Variants in TMEM117 observed in about 807,000 individuals in gnomAD.
TMEM117 encodes transmembrane protein 117.
A neutral mutation model predicts 52.4 loss-of-function variants in TMEM117; 27 were observed. The observed-to-expected ratio is 0.51, with a 90% CI of 0.38 to 0.71. The LOEUF is 0.71. Ranked by LOEUF, TMEM117 falls within the 30% of genes least tolerant of loss-of-function variation. The pLI is 0.00. For missense variants in TMEM117, 556 were observed against 630.5 expected (o/e 0.88, Z 1.26); for synonymous variants, 215 against 206.3 (o/e 1.04, Z -0.36).
At chr12:43,902,145 C>A (rs1944314214) in intron 2 of TMEM117, among the ~76,000 whole-genome samples, 1 of 152,168 alleles carries the variant, frequency 6.6e-6, no homozygotes, top group Non-Finnish European at 1.5e-5. Context: ...ACGGTGTTAA[C>A]TGGAACAGAA....
intron 4 of TMEM117, among the ~76,000 whole-genome samples, chr12:44,189,940 G>A (rs539733707): frequency 1.3e-5 from 2 of 152,310 alleles, no homozygotes; most frequent in South Asian, 2.1e-4. Context: ...CAGTAACCAA[G>A]CATGATTTTT....
intron 3 of TMEM117, among the ~76,000 whole-genome samples, chr12:44,070,186 T>A (rs1332268862): frequency 6.6e-6 from 1 of 152,188 alleles, no homozygotes; most frequent in East Asian, 1.9e-4. Flanking sequence ...CCACCGCACC[T>A]GGTCCCCAGA....
chr12:44,345,210 G>A (rs1022876556), intron 6 of TMEM117, among the ~76,000 whole-genome samples: 2 of 152,070 alleles, frequency 1.3e-5, no homozygotes, highest in African/African-American at 4.8e-5. Flanking sequence ...CTGTCAGAAG[G>A]ACTGTTGTCC....
At chr12:43,935,346 A>T (rs909512790) in intron 2 of TMEM117, among the ~76,000 whole-genome samples, 5 of 152,230 alleles carry the variant, frequency 3.3e-5, no homozygotes, top group African/African-American at 1.2e-4. Flanking sequence ...AGTGAATTTC[A>T]ATTAATTTTC....
At chr12:44,001,802 G>A (rs1946120940) in intron 3 of TMEM117, among the ~76,000 whole-genome samples, 1 of 152,094 alleles carries the variant, frequency 6.6e-6, no homozygotes, top group Admixed American at 6.5e-5. Context: ...AGCTTTACGA[G>A]TGGAAGAGTG....
intron 3 of TMEM117, among the ~76,000 whole-genome samples, chr12:44,136,761 C>T (rs1948497158): frequency 1.3e-5 from 2 of 151,952 alleles, no homozygotes; most frequent in Admixed American, 6.6e-5. Context: ...AAATTTACAG[C>T]ATGTGTTGCA....
rs530669207 is a variant in TMEM117 at position 44,302,907 on chromosome 12, A to G, written c.768+3168A>G. On this transcript the variant is annotated intron_variant, in intron 6 of 7. Transcript: ENST00000266534. ...TTCATCCCATATTTACATATTCCAGATGAAAGAAAAATAAAGAAGTAAAAT... is the reference window on the plus strand; with the variant it reads ...TTCATCCCATATTTACATATTCCAGGTGAAAGAAAAATAAAGAAGTAAAAT... Among the ~76,000 whole-genome samples the G allele has an allele frequency of 6.6e-5, 10 of 152,370 alleles. No individual in the cohort carries two copies. The East Asian group carries it at 1.7e-3, about 26-fold the overall frequency.
intron 3 of TMEM117, among the ~76,000 whole-genome samples, chr12:44,046,473 G>C (rs1003616396): frequency 4.6e-5 from 7 of 152,182 alleles, no homozygotes; most frequent in African/African-American, 1.7e-4. Flanking sequence ...CATGCCCTGT[G>C]ATTAAGGTCA....
At chr12:44,102,927 G>T (rs1321089726) in intron 3 of TMEM117, among the ~76,000 whole-genome samples, 7 of 151,884 alleles carry the variant, frequency 4.6e-5, no homozygotes, top group Non-Finnish European at 5.9e-5. Flanking sequence ...TCCCTCCTTT[G>T]CTCTGCACTT....
upstream of TMEM117, among the ~76,000 whole-genome samples, chr12:43,835,777 C>CCGGCCCGGGCAGGCT (rs1943014792): frequency 1.3e-5 from 2 of 152,030 alleles, no homozygotes; most frequent in African/African-American, 4.8e-5. Flanking sequence ...CAGAGGCGGG[C>CCGGCCCGGGCAGGCT]CGGCCCGGGC....
intron 4 of TMEM117, among the ~76,000 whole-genome samples, chr12:44,179,561 G>C (rs756804311): frequency 3.3e-5 from 5 of 152,252 alleles, no homozygotes; most frequent in Non-Finnish European, 7.3e-5. Flanking sequence ...TCAGCAGCAA[G>C]CTGCTTATCT....
intron 4 of TMEM117, among the ~76,000 whole-genome samples, chr12:44,171,637 T>C (rs77875618): frequency 0.018 from 2,668 of 152,272 alleles, 60 homozygotes; most frequent in East Asian, 0.057. Flanking sequence ...GTATTTAATA[T>C]CATAGTAAAA....
chr12:44,071,688 G>C (rs774235403), intron 3 of TMEM117, among the ~76,000 whole-genome samples: 2 of 152,094 alleles, frequency 1.3e-5, no homozygotes, highest in Non-Finnish European at 2.9e-5. Context: ...AGCAAAACTC[G>C]AGGGAAAAAT....
At chr12:44,216,999 A>G (rs1047892427) in intron 5 of TMEM117, among the ~76,000 whole-genome samples, 2 of 152,198 alleles carry the variant, frequency 1.3e-5, no homozygotes, top group African/African-American at 2.4e-5. Flanking sequence ...TTTGAATATC[A>G]TAGTTATTAA....
intron 2 of TMEM117, among the ~76,000 whole-genome samples, chr12:43,889,399 G>A (rs890629590): frequency 3.9e-5 from 6 of 152,124 alleles, no homozygotes; most frequent in Non-Finnish European, 8.8e-5. Context: ...CTTAAAAGGA[G>A]CACACAACCT....
chr12:44,000,464 C>CTTAA (rs1946098610), intron 3 of TMEM117, among the ~76,000 whole-genome samples: 10 of 152,168 alleles, frequency 6.6e-5, no homozygotes, highest in Admixed American at 6.5e-4. Flanking sequence ...CTCTCTGGGT[C>CTTAA]TTAAACACCT....
At chr12:43,799,389 G>A in the TMEM117 span, 1 of 1,577,258 alleles carries the variant, frequency 6.3e-7, no homozygotes, top group Non-Finnish European at 8.7e-7. Flanking sequence ...CTTTGTAGTT[G>A]TAACTTACCT....
intron 4 of TMEM117, among the ~76,000 whole-genome samples, chr12:44,205,629 G>A (rs1329053881): frequency 5.9e-5 from 9 of 152,050 alleles, no homozygotes; most frequent in Non-Finnish European, 1.3e-4. Context: ...ATCAAAGGAA[G>A]ACATACACAT....
At chr12:43,956,524 C>T (rs956668941) in intron 3 of TMEM117, among the ~76,000 whole-genome samples, 19 of 134,830 alleles carry the variant, frequency 1.4e-4, no homozygotes, top group African/African-American at 5.2e-4. Flanking sequence ...AAAAAAAAGA[C>T]GTACATGCAA....
Sources: gnomAD v4.1 joint callset for allele counts (sites outside exome capture counted in the v4.1 genomes callset) on GRCh38, gnomAD v4.1.1 for gene constraint, MANE v1.5 for transcripts, NCBI Gene and HGNC (gene_info 2026-07-23, HGNC 2026-07-21) for gene names.